Variants in JMJD1C observed in about 807,000 individuals in gnomAD.
JMJD1C encodes the protein jumonji domain-containing protein 1C.
A neutral mutation model predicts 245.3 loss-of-function variants in JMJD1C; 31 were observed. That is an observed-to-expected ratio of 0.13 (90% CI 0.09 to 0.17). The LOEUF (loss-of-function observed/expected upper bound fraction) is 0.17, where lower values mean the gene tolerates loss of function less well. JMJD1C is among the 10% of genes least tolerant of loss of function. The probability of loss-of-function intolerance (pLI) is 1.00; values close to 1 mark genes in which losing one functional copy is unlikely to be tolerated. For missense variants in JMJD1C, 2,691 were observed against 3,000.2 expected, an observed-to-expected ratio of 0.90 and a Z score of 2.41; for synonymous variants, 1,057 against 1,017.4, an observed-to-expected ratio of 1.04 and a Z score of -0.74.
intron 11 of JMJD1C, among the ~76,000 whole-genome samples, chr10:63,199,152 A>G (rs1443099087): frequency 6.6e-6 from 1 of 152,136 alleles, no homozygotes; most frequent in African/African-American, 2.4e-5. Context: ...CCAACTATAC[A>G]TATATTTTCA....
intron 3 of JMJD1C, among the ~76,000 whole-genome samples, chr10:63,235,473 G>A (rs554564782): frequency 4.9e-4 from 75 of 152,032 alleles, no homozygotes; most frequent in African/African-American, 1.7e-3. Context: ...CTCCAGCCTG[G>A]GCAGCAAGAA....
intron 25 of JMJD1C, 86 bp from the exon 26 acceptor site, chr10:63,168,220 A>G (rs1842022745): frequency 8.7e-7 from 1 of 1,145,386 alleles, no homozygotes; most frequent in Non-Finnish European, 1.3e-6. Flanking sequence ...AAAAAATAAT[A>G]GGGAACTAGG....
chr10:63,216,734 CA>C (rs1848033564), intron 5 of JMJD1C, among the ~76,000 whole-genome samples: 1 of 143,508 alleles, frequency 7.0e-6, no homozygotes, highest in African/African-American at 2.5e-5. Flanking sequence ...AAAAAACAAA[CA>C]AAAACTCCAT....
chr10:63,232,457 ATTCAT>A (rs1414450402), intron 3 of JMJD1C, among the ~76,000 whole-genome samples: 1 of 152,246 alleles, frequency 6.6e-6, no homozygotes, highest in African/African-American at 2.4e-5. Flanking sequence ...CTGGTTAATA[ATTCAT>A]TTCAGAGAGA....
At chr10:63,494,229 T>G (rs941220693) in intron 1 of JMJD1C, among the ~76,000 whole-genome samples, 5 of 151,914 alleles carry the variant, frequency 3.3e-5, no homozygotes, top group Non-Finnish European at 7.4e-5. Context: ...GAGAATCACT[T>G]GAACCCGGGA....
chr10:63,340,582 T>A (rs894828686), intron 2 of JMJD1C, among the ~76,000 whole-genome samples: 10 of 152,222 alleles, frequency 6.6e-5, no homozygotes, highest in African/African-American at 2.4e-4. Flanking sequence ...GAGAGCAGTG[T>A]AACTGTAACA....
At chr10:63,316,867 T>A (rs147301979) in intron 2 of JMJD1C, among the ~76,000 whole-genome samples, 29 of 152,266 alleles carry the variant, frequency 1.9e-4, no homozygotes, top group African/African-American at 7.0e-4. Context: ...TGTTTGTTTG[T>A]TTTTTGAGAT....
intron 3 of JMJD1C, among the ~76,000 whole-genome samples, chr10:63,254,633 T>G (rs1026466891): frequency 6.6e-6 from 1 of 152,070 alleles, no homozygotes; most frequent in Admixed American, 6.5e-5. Context: ...CTTGACCTCC[T>G]GGGCTCAAGC....
At chr10:63,205,645 G>A (rs1444396007) in intron 10 of JMJD1C, among the ~76,000 whole-genome samples, 3 of 152,066 alleles carry the variant, frequency 2.0e-5, no homozygotes, top group Non-Finnish European at 4.4e-5. Context: ...CCTCACTGTA[G>A]GAACTTCATA....
rs190025493 is a variant in JMJD1C at position 63,440,282 on chromosome 10, C to G, written c.168+25213G>C. Among the ~76,000 whole-genome samples, 889 of 150,294 alleles carry G rather than the reference C, an allele frequency of 5.9e-3. 6 individuals carry two copies. The highest frequency in any genetic ancestry group is 8.9e-3 in the Non-Finnish European group (600 of 67,756). ...CCTGGGAGATGGAGGTTGCAGTGAG[C>G]CAAGACTGCACCACTGCACTCCAGC... On this transcript the variant is annotated intron_variant, in intron 1 of 25. Coordinates refer to ENST00000399262, the MANE Select transcript of JMJD1C (RefSeq NM_032776.3).
chr10:63,295,908 C>T (rs970719750), intron 2 of JMJD1C, among the ~76,000 whole-genome samples: 9 of 136,302 alleles, frequency 6.6e-5, no homozygotes, highest in African/African-American at 1.1e-4. Flanking sequence ...TACATGAATA[C>T]GTGTATGTAT....
intron 12 of JMJD1C, 136 bp downstream of exon 12, chr10:63,198,377 A>C (rs2096157554): frequency 1.7e-6 from 1 of 603,482 alleles, no homozygotes; most frequent in Non-Finnish European, 2.9e-6. Context: ...CCTTAAATAC[A>C]TACTGTAAAA....
At chr10:63,246,495 T>C (rs1483520469) in intron 3 of JMJD1C, among the ~76,000 whole-genome samples, 1 of 152,094 alleles carries the variant, frequency 6.6e-6, no homozygotes, top group Non-Finnish European at 1.5e-5. Flanking sequence ...AGCAAAGCTA[T>C]ACTTCAAATA....
chr10:63,426,603 G>A (rs1291532048), intron 1 of JMJD1C, among the ~76,000 whole-genome samples: 3 of 151,974 alleles, frequency 2.0e-5, no homozygotes, highest in Non-Finnish European at 4.4e-5. Context: ...CCCAGGAGGC[G>A]GAAGTTGCAG....
rs765302467 is a variant in JMJD1C, at chr10:63,214,186, T to C, written c.1981A>G (p.Thr661Ala). The change falls in exon 8 of 26, where the codon ACT becomes GCT. Residue 661 changes from threonine (T) to alanine (A), a missense_variant. Around this residue, in one of 9 missense-constraint regions of JMJD1C, gnomAD observed 1,562 missense variants for 1,490.7 expected, o/e 1.05. Transcript: ENST00000399262. Reference protein sequence around the residue: ...HSPDSVKSKATYVNSQATGER... With the variant: ...HSPDSVKSKAAYVNSQATGER... ...CCAGTAGCTTGGCTGTTCACATAAG[T>C]GGCCTTAGACTTTACAGAATCAGGA... The C allele has an allele frequency of 3.1e-6, 5 of 1,614,002 alleles. No individual in the cohort carries two copies. The highest frequency in any genetic ancestry group is 3.4e-6 in the Non-Finnish European group (4 of 1,180,030).
intron 2 of JMJD1C, among the ~76,000 whole-genome samples, chr10:63,347,538 T>A (rs1371770024): frequency 6.9e-6 from 1 of 144,740 alleles, no homozygotes; most frequent in Non-Finnish European, 1.5e-5. Context: ...GAGCCAAGAC[T>A]GCGCCACTGC....
rs184933957 is a variant in JMJD1C at position 63,336,151 on chromosome 10, C to T, written c.333+44167G>A. 1.8e-3 allele frequency among the ~76,000 whole-genome samples: 269 copies of T among 151,874 alleles called. 3 individuals carry two copies. Among genetic ancestry groups the T allele is most frequent in the African/African-American group, 6.1e-3 (253 of 41,462 alleles). On this transcript the variant is annotated intron_variant, in intron 2 of 25. Coordinates refer to ENST00000399262, the MANE Select transcript of JMJD1C (RefSeq NM_032776.3). Reference sequence around the variant, plus strand: ...AAATAAGAAAAAAAGAAAAAAACCACGTCTATGAAACACAAATATCTAATA... The same window carrying T: ...AAATAAGAAAAAAAGAAAAAAACCATGTCTATGAAACACAAATATCTAATA...
intron 1 of JMJD1C, among the ~76,000 whole-genome samples, chr10:63,491,180 TACTTA>T (rs1482423473): frequency 6.6e-6 from 1 of 152,194 alleles, no homozygotes; most frequent in Non-Finnish European, 1.5e-5. Context: ...ATAGTTATTT[TACTTA>T]ACTTCTCTGC....
chr10:63,419,357 A>G (rs1949983300), intron 1 of JMJD1C, among the ~76,000 whole-genome samples: 1 of 152,118 alleles, frequency 6.6e-6, no homozygotes, highest in Non-Finnish European at 1.5e-5. Context: ...ATTGCACTCC[A>G]GCCTGGGCGA....
Sources: gnomAD v4.1 joint callset for allele counts (sites outside exome capture counted in the v4.1 genomes callset) on GRCh38, gnomAD v4.1.1 for gene constraint, gnomAD v4.1.1 regional missense constraint, MANE v1.5 for transcripts, NCBI Gene and HGNC (gene_info 2026-07-23, HGNC 2026-07-21) for gene names.